Variants in ACSM4 observed in about 807,000 individuals in gnomAD.
The protein encoded by ACSM4 is acyl-coenzyme A synthetase ACSM4, mitochondrial.
A neutral mutation model predicts 73.0 loss-of-function variants in ACSM4; 66 were observed. That is an observed-to-expected ratio of 0.90 (90% confidence interval 0.74 to 1.11). The LOEUF is 1.11. ACSM4 is among the 50% of genes least tolerant of loss of function. The pLI is 0.00. For missense variants in ACSM4, 645 were observed against 714.4 expected (o/e 0.90, Z 1.11); for synonymous variants, 222 against 254.0 (o/e 0.87, Z 1.20).
intron 2 of ACSM4, among the ~76,000 whole-genome samples, chr12:7,308,522 C>T (rs775696303): frequency 3.3e-5 from 5 of 152,128 alleles, no homozygotes; most frequent in Non-Finnish European, 7.4e-5. Context: ...GAGATATATG[C>T]TATCTGAAAT....
At position 7,304,493 on chromosome 12, in the gene ACSM4, T is replaced by C; in HGVS notation, c.162T>C (p.Phe54=). 1 of 1,613,906 alleles carries C rather than the reference T, an allele frequency of 6.2e-7. No individual in the cohort carries two copies. The highest frequency in any genetic ancestry group is 8.5e-7 in the Non-Finnish European group (1 of 1,179,856). Reference sequence around the variant, plus strand: ...GGCCATTGCCTAAAAACTTTAACTTTGCTGCAGATGTGCTGGACCAGTGGT... The same window carrying C: ...GGCCATTGCCTAAAAACTTTAACTTCGCTGCAGATGTGCTGGACCAGTGGT... ...CNRPLPKNFN[F]AADVLDQWSQ... Residue 54 remains phenylalanine, a synonymous_variant, in exon 1 of 13, where the codon TTT becomes TTC. Transcript: ENST00000399422.
chr12:7,304,622 C>T (rs1946352015), intron 1 of ACSM4, 90 bp downstream of exon 1: 2 of 1,284,208 alleles, frequency 1.6e-6, no homozygotes, highest in East Asian at 2.3e-5. Flanking sequence ...CACTTAATTC[C>T]AATGCACTCT....
chr12:7,317,401 A>G, intron 4 of ACSM4, 121 bp downstream of exon 4: 3 of 1,335,706 alleles, frequency 2.2e-6, no homozygotes, highest in Non-Finnish European at 2.9e-6. Context: ...AATAGCTACA[A>G]AACAGAACTC....
rs570603667 is a variant in ACSM4 at position 7,306,714 on chromosome 12, G to T, written c.383G>T (p.Trp128Leu). The T allele has an allele frequency of 4.9e-5, 79 of 1,611,168 alleles. No homozygotes were observed. In the East Asian group the frequency reaches 1.7e-3, roughly 34 times the overall value. ...ATTCTGCCCAGAATCCCTGAGTGGT[G>T]GCTGGTCAATGTAGCTTGCATACGA... ...AVILPRIPEW[W>L]LVNVACIRTG... Residue 128 changes from tryptophan (W) to leucine (L), a missense_variant, in exon 2 of 13, where the codon TGG becomes TTG. Coordinates refer to ENST00000399422, the MANE Select transcript of ACSM4 (RefSeq NM_001080454.2).
chr12:7,304,894 T>C lies in ACSM4; in HGVS notation c.201+362T>C, dbSNP rs189478315. On this transcript the variant is annotated intron_variant, in intron 1 of 12. Transcript: ENST00000399422. Reference sequence around the variant, plus strand: ...TTTGATTTTATGAATACAGTTATCATTGGAGTAATGAGGAGAGAATTGGAG... The same window carrying C: ...TTTGATTTTATGAATACAGTTATCACTGGAGTAATGAGGAGAGAATTGGAG... 2.1e-3 allele frequency among the ~76,000 whole-genome samples: 314 copies of C among 152,306 alleles called. 4 individuals are homozygous for C. The highest frequency in any genetic ancestry group is 8.2e-4 in the Non-Finnish European group (56 of 68,030).
At position 7,317,283 on chromosome 12, in the gene ACSM4, A is replaced by T. The variant is rs757011919; in HGVS notation, c.764+3A>T. ...ATTGGGTTCACCCTCTGCGGAAGGT[A>T]GGGAAGAAAATTCAGTTTGTTTTTG... On this transcript the variant is annotated splice_donor_region_variant and intron_variant, in intron 4 of 12. Coordinates refer to ENST00000399422, the MANE Select transcript of ACSM4 (RefSeq NM_001080454.2). 1 of 1,551,792 alleles carries T rather than the reference A, an allele frequency of 6.4e-7. No individual in the cohort carries two copies. The highest frequency in any genetic ancestry group is 2.4e-5 in the East Asian group (1 of 41,404).
intron 4 of ACSM4, 124 bp downstream of exon 4, chr12:7,317,404 C>T: frequency 1.5e-6 from 2 of 1,328,140 alleles, no homozygotes; most frequent in South Asian, 1.7e-5. Flanking sequence ...AGCTACAAAA[C>T]AGAACTCTTG....
chr12:7,308,374 A>C (rs746983630), intron 2 of ACSM4, among the ~76,000 whole-genome samples: 1 of 152,336 alleles, frequency 6.6e-6, no homozygotes, highest in African/African-American at 2.4e-5. Flanking sequence ...CACTAAATTA[A>C]ATGTAAAGCA....
At chr12:7,319,769 T>G (rs1181857746) in intron 5 of ACSM4, among the ~76,000 whole-genome samples, 3 of 152,132 alleles carry the variant, frequency 2.0e-5, no homozygotes, top group Non-Finnish European at 4.4e-5. Context: ...ACCTAAGAAC[T>G]GAGATCTCTA....
intron 5 of ACSM4, chr12:7,318,389 T>C (rs1946436840): frequency 1.8e-6 from 1 of 542,732 alleles, no homozygotes. Context: ...AGGCAGGAAA[T>C]CCAGACTTCT....
intron 1 of ACSM4, among the ~76,000 whole-genome samples, chr12:7,304,813 A>G (rs1000695065): frequency 1.3e-5 from 2 of 152,216 alleles, no homozygotes; most frequent in Non-Finnish European, 2.9e-5. Context: ...GCCCCATGCA[A>G]CAGTGCTTTG....
At position 7,327,055 on chromosome 12, in the gene ACSM4, A is replaced by C; in HGVS notation, c.1616A>C (p.His539Pro). ...AAATTAACTCTTGAACTTCAGGATC[A>C]TGTGAAAAAATCAACTGCACCTTAC... ...PEKLTLELQD[H>P]VKKSTAPYKY... The change falls in exon 12 of 13, where the codon CAT (histidine) becomes CCT (proline). Residue 539 changes from histidine to proline, a missense_variant. Transcript: ENST00000399422. 1 of 1,611,418 alleles carries C rather than the reference A, an allele frequency of 6.2e-7. No homozygotes were observed. Among genetic ancestry groups the C allele is most frequent in the Non-Finnish European group, 8.5e-7 (1 of 1,178,854 alleles).
At chr12:7,313,431 C>T (rs1454092004) in intron 3 of ACSM4, among the ~76,000 whole-genome samples, 2 of 152,244 alleles carry the variant, frequency 1.3e-5, no homozygotes, top group East Asian at 1.9e-4. Context: ...GCTAGTTTTT[C>T]GGAAGACTAC....
chr12:7,323,388 A>G (rs1005243842), intron 8 of ACSM4, 71 bp from the exon 9 acceptor site: 11 of 1,594,354 alleles, frequency 6.9e-6, no homozygotes, highest in Non-Finnish European at 9.4e-6. Flanking sequence ...TCATTGCACA[A>G]CTATTCATAA....
At position 7,328,450 on chromosome 12, in the gene ACSM4, A is replaced by G. The variant is rs1946527753; in HGVS notation, c.*77A>G. On this transcript the variant is annotated 3_prime_UTR_variant, in exon 13 of 13. Transcript: ENST00000399422. ...TATTTGTTCCGATAATTCAGCGACT[A>G]CTCTCTTAAAATGTTTAAGATCTTT... 3 of 1,134,918 alleles carry G rather than the reference A, an allele frequency of 2.6e-6. No individual in the cohort carries two copies. The highest frequency in any genetic ancestry group is 3.1e-5 in the East Asian group (1 of 32,106). The allele number at this position is 1,134,918 out of a possible 1,614,324, so 70.3% of individuals were successfully genotyped here. A position where few individuals can be genotyped will look rare whatever the true frequency, so the allele number is the denominator to read the frequency against.
chr12:7,317,964 C>G, intron 4 of ACSM4, 62 bp from the exon 5 acceptor site: 2 of 1,559,348 alleles, frequency 1.3e-6, no homozygotes, highest in Admixed American at 3.7e-5. Flanking sequence ...CTGAAAGATA[C>G]CAGTTTGTAA....
At chr12:7,317,761 G>A (rs754905076) in intron 4 of ACSM4, among the ~76,000 whole-genome samples, 41 of 152,146 alleles carry the variant, frequency 2.7e-4, no homozygotes, top group South Asian at 6.2e-4. Flanking sequence ...AGCACATTTC[G>A]GCTTAACAAG....
In ACSM4 at chr12:7,320,850, A is replaced by G. The variant is rs1458480515; in HGVS notation, c.1001+46A>G. On this transcript the variant is annotated intron_variant, in intron 6 of 12. Transcript: ENST00000399422. Reference sequence around the variant, plus strand: ...ATTTGAACCACAAACAATAGCTACCATCCAGGATCACAGATCTCTCTTTTT... The same window carrying G: ...ATTTGAACCACAAACAATAGCTACCGTCCAGGATCACAGATCTCTCTTTTT... The G allele has an allele frequency of 4.1e-6, 6 of 1,467,094 alleles. No individual in the cohort carries two copies. In the South Asian group the frequency reaches 4.6e-5, roughly 11 times the overall value. The allele number at this position is 1,467,094 out of a possible 1,614,324, so 90.9% of individuals were successfully genotyped here. A position where few individuals can be genotyped will look rare whatever the true frequency, so the allele number is the denominator to read the frequency against.
intron 5 of ACSM4, chr12:7,318,505 T>A (rs2136333218): frequency 4.5e-6 from 1 of 224,480 alleles, no homozygotes; most frequent in East Asian, 1.0e-4. Flanking sequence ...AATACTTCAT[T>A]TCTAATTCAA....
Sources: gnomAD v4.1 joint callset for allele counts (sites outside exome capture counted in the v4.1 genomes callset) on GRCh38, gnomAD v4.1.1 for gene constraint, MANE v1.5 for transcripts, NCBI Gene and HGNC (gene_info 2026-07-23, HGNC 2026-07-21) for gene names.